The following AFG2A variants were observed in gnomAD, a reference collection of about 807,000 sequenced individuals.
AFG2A encodes the protein ATPase family gene 2 protein homolog A.
At chr4:123,304,262 A>G in the AFG2A span, among the ~76,000 whole-genome samples, 1 of 152,074 alleles carries the variant, frequency 6.6e-6, no homozygotes, top group Non-Finnish European at 1.5e-5. Context: ...CTGGCCATTC[A>G]AGCACCTTTC....
chr4:123,006,438 C>T, the AFG2A span, among the ~76,000 whole-genome samples: 2 of 151,660 alleles, frequency 1.3e-5, no homozygotes, highest in Admixed American at 1.3e-4. Context: ...CAGTGTTAGT[C>T]AAATTTGAAA....
At chr4:123,000,586 G>C in the AFG2A span, among the ~76,000 whole-genome samples, 4 of 140,914 alleles carry the variant, frequency 2.8e-5, no homozygotes, top group African/African-American at 1.0e-4. Context: ...CTTTGGTTCT[G>C]TTTATATGCT....
At chr4:123,179,890 A>G in the AFG2A span, among the ~76,000 whole-genome samples, 2 of 152,178 alleles carry the variant, frequency 1.3e-5, no homozygotes, top group African/African-American at 2.4e-5. Flanking sequence ...TGAACATGTG[A>G]TTACAAAGGA....
At chr4:123,128,804 T>G in the AFG2A span, among the ~76,000 whole-genome samples, 1 of 152,176 alleles carries the variant, frequency 6.6e-6, no homozygotes, top group Non-Finnish European at 1.5e-5. Flanking sequence ...TCAGTGGTTC[T>G]TTTTCTTCTT....
chr4:123,229,341 C>G, the AFG2A span, among the ~76,000 whole-genome samples: 1 of 151,928 alleles, frequency 6.6e-6, no homozygotes, highest in African/African-American at 2.4e-5. Flanking sequence ...ATTCAAAGGG[C>G]TGCACATTTG....
the AFG2A span, among the ~76,000 whole-genome samples, chr4:123,209,680 TG>T: frequency 6.6e-6 from 1 of 150,532 alleles, no homozygotes; most frequent in African/African-American, 2.4e-5. Context: ...CTTAAATTCC[TG>T]GGCTTAAGCG....
chr4:123,090,748 G>T, the AFG2A span: 1 of 1,583,128 alleles, frequency 6.3e-7, no homozygotes, highest in Non-Finnish European at 8.6e-7. Context: ...TCAAGAACTG[G>T]CTTGTTTGAT....
At chr4:123,224,819 T>A in the AFG2A span, among the ~76,000 whole-genome samples, 1 of 152,192 alleles carries the variant, frequency 6.6e-6, no homozygotes, top group Non-Finnish European at 1.5e-5. Flanking sequence ...TAGTTTACAG[T>A]CCCACCAACA....
chr4:123,248,071 C>A, the AFG2A span, among the ~76,000 whole-genome samples: 3,583 of 148,296 alleles, frequency 0.024, 68 homozygotes, highest in African/African-American at 0.056. Flanking sequence ...GTGCTTTGCA[C>A]ACAAAAAAAA....
At chr4:123,266,138 G>A in the AFG2A span, among the ~76,000 whole-genome samples, 9,888 of 152,034 alleles carry the variant, frequency 0.065, 566 homozygotes, top group African/African-American at 0.15. Flanking sequence ...AACCTAATCT[G>A]TATATGAAAA....
chr4:123,290,228 C>G, the AFG2A span, among the ~76,000 whole-genome samples: 3 of 152,026 alleles, frequency 2.0e-5, no homozygotes, highest in Admixed American at 2.0e-4. Context: ...TCTATTTTTG[C>G]TTTTGTTGCT....
chr4:123,114,261 G>C, the AFG2A span, among the ~76,000 whole-genome samples: 1 of 152,152 alleles, frequency 6.6e-6, no homozygotes, highest in African/African-American at 2.4e-5. Flanking sequence ...TGGTCCGCAG[G>C]GCTGGCAGCC....
the AFG2A span, among the ~76,000 whole-genome samples, chr4:122,985,603 G>C: frequency 6.6e-6 from 1 of 152,108 alleles, no homozygotes; most frequent in East Asian, 1.9e-4. Flanking sequence ...ATGATCTTTT[G>C]TATTTCAGTG....
the AFG2A span, chr4:122,923,125 C>G: frequency 1.9e-6 from 3 of 1,613,840 alleles, no homozygotes; most frequent in Non-Finnish European, 8.5e-7. Context: ...ACTGCTTCGG[C>G]TAGGGTACCT....
the AFG2A span, among the ~76,000 whole-genome samples, chr4:123,105,426 C>T: frequency 6.6e-6 from 1 of 152,168 alleles, no homozygotes. Context: ...TCTGCTAAAA[C>T]AGTATCTATT....
chr4:123,019,355 A>T, the AFG2A span, among the ~76,000 whole-genome samples: 1 of 152,182 alleles, frequency 6.6e-6, no homozygotes, highest in African/African-American at 2.4e-5. Flanking sequence ...GTTAAAAAGA[A>T]TCAGAATGTA....
the AFG2A span, among the ~76,000 whole-genome samples, chr4:123,007,566 ATATG>A: frequency 2.5e-5 from 1 of 40,184 alleles, no homozygotes; most frequent in African/African-American, 6.6e-5. Flanking sequence ...GTGTGTGTGT[ATATG>A]TGTGTGTGTG....
the AFG2A span, among the ~76,000 whole-genome samples, chr4:123,076,531 T>C: frequency 2.0e-5 from 3 of 151,898 alleles, no homozygotes; most frequent in East Asian, 5.8e-4. Flanking sequence ...TTTATGTACA[T>C]TTAGATTGCC....
the AFG2A span, among the ~76,000 whole-genome samples, chr4:123,083,542 A>C: frequency 6.6e-6 from 1 of 151,228 alleles, no homozygotes; most frequent in African/African-American, 2.4e-5. Flanking sequence ...CCCACTTTAT[A>C]ATGGTATATA....
Sources: gnomAD v4.1 joint callset for allele counts (sites outside exome capture counted in the v4.1 genomes callset) on GRCh38, gnomAD v4.1.1 for gene constraint, MANE v1.5 for transcripts, NCBI Gene and HGNC (gene_info 2026-07-23, HGNC 2026-07-21) for gene names.